Variants in GPM6A observed in about 807,000 individuals in gnomAD.
GPM6A encodes the protein glycoprotein M6A.
A neutral mutation model predicts 32.1 loss-of-function variants in GPM6A; 7 were observed. The ratio of observed to expected loss-of-function variants is 0.22; its 90% confidence interval spans 0.12 to 0.41. GPM6A has a LOEUF of 0.41. GPM6A is among the 10% of genes least tolerant of loss of function. GPM6A has a pLI of 1.00. For missense variants in GPM6A, 235 were observed against 347.2 expected, an observed-to-expected ratio of 0.68 and a Z score of 2.57; for synonymous variants, 130 against 123.4, an observed-to-expected ratio of 1.05 and a Z score of -0.35.
chr4:175,807,722 T>C (rs537799446), intron 1 of GPM6A: 1 of 152,276 alleles, frequency 6.6e-6, no homozygotes, highest in African/African-American at 2.4e-5. Flanking sequence ...AACACAACCA[T>C]AAATTGCAGA....
At chr4:175,938,408 G>A (rs539617191) in intron 1 of GPM6A, among the ~76,000 whole-genome samples, 4 of 152,264 alleles carry the variant, frequency 2.6e-5, no homozygotes, top group Admixed American at 6.5e-5. Context: ...AGCCGCGCCA[G>A]CATCTGTTGT....
chr4:175,791,960 T>C (rs944594025), intron 1 of GPM6A, among the ~76,000 whole-genome samples: 3 of 152,204 alleles, frequency 2.0e-5, no homozygotes, highest in Admixed American at 6.5e-5. Flanking sequence ...CCTGTGGTCA[T>C]ATTTAGTTAT....
intron 1 of GPM6A, among the ~76,000 whole-genome samples, chr4:175,796,101 G>C (rs1429661467): frequency 6.6e-6 from 1 of 152,138 alleles, no homozygotes; most frequent in South Asian, 2.1e-4. Context: ...TTTGGATGCT[G>C]TTTTAGTTGC....
chr4:175,694,897 C>T (rs1472927806), intron 2 of GPM6A, among the ~76,000 whole-genome samples: 1 of 152,164 alleles, frequency 6.6e-6, no homozygotes, highest in African/African-American at 2.4e-5. Flanking sequence ...AAGGGCCTGG[C>T]CTGAGGTCCA....
rs528217165 is a variant in GPM6A at position 175,914,613 on chromosome 4, G to A, written c.-23+87696C>T. ...GCTGGAATTACAGGCGTGAGCCACCGCGTCCGCCTGCAAATCTGCATTTTA... is the reference window on the plus strand; with the variant it reads ...GCTGGAATTACAGGCGTGAGCCACCACGTCCGCCTGCAAATCTGCATTTTA... On this transcript the variant is annotated intron_variant, in intron 1 of 7. Transcript: ENST00000280187. Among the ~76,000 whole-genome samples, 30 of 152,206 alleles carry A rather than the reference G, an allele frequency of 2.0e-4. No homozygotes were observed. In the South Asian group the frequency reaches 5.2e-3, roughly 26 times the overall value.
chr4:175,675,366 A>T (rs1484299048), intron 2 of GPM6A, among the ~76,000 whole-genome samples: 1 of 151,970 alleles, frequency 6.6e-6, no homozygotes, highest in Non-Finnish European at 1.5e-5. Flanking sequence ...ATGCTATGCA[A>T]TAGTTGCTTA....
chr4:175,866,129 A>G (rs1287272570), intron 1 of GPM6A, among the ~76,000 whole-genome samples: 3 of 152,174 alleles, frequency 2.0e-5, no homozygotes, highest in Non-Finnish European at 4.4e-5. Context: ...TTTAACAACT[A>G]TATTTTAGAG....
At chr4:175,905,546 A>G (rs1738103251) in intron 1 of GPM6A, among the ~76,000 whole-genome samples, 1 of 152,060 alleles carries the variant, frequency 6.6e-6, no homozygotes, top group African/African-American at 2.4e-5. Context: ...CTGGCACAAG[A>G]GAAGGGAGAA....
At chr4:175,895,136 A>C (rs1027123476) in intron 1 of GPM6A, among the ~76,000 whole-genome samples, 1 of 152,168 alleles carries the variant, frequency 6.6e-6, no homozygotes, top group Non-Finnish European at 1.5e-5. Context: ...ATCTTCTTTG[A>C]TCTTTAGAAT....
At chr4:175,742,028 C>A (rs1731907361) in intron 1 of GPM6A, among the ~76,000 whole-genome samples, 1 of 151,670 alleles carries the variant, frequency 6.6e-6, no homozygotes, top group African/African-American at 2.4e-5. Flanking sequence ...TTTATGGAAC[C>A]AACTGATAAA....
At chr4:175,996,952 G>A (rs1225630239) in intron 1 of GPM6A, among the ~76,000 whole-genome samples, 3 of 151,806 alleles carry the variant, frequency 2.0e-5, no homozygotes, top group Non-Finnish European at 2.9e-5. Flanking sequence ...CTTCTGCTTG[G>A]GTTTTTTGGA....
intron 1 of GPM6A, among the ~76,000 whole-genome samples, chr4:175,877,221 T>A (rs561927292): frequency 6.6e-6 from 1 of 152,212 alleles, no homozygotes; most frequent in South Asian, 2.1e-4. Context: ...AGGGATGAAG[T>A]TTTGTCCCTG....
In GPM6A at chr4:175,946,087, A is replaced by G. The variant is rs1038039192; in HGVS notation, c.-23+56222T>C. ...AGCCCAGACTTCACCACTATGCAGT[A>G]TATCCACGTAACAAAACAGTACTTG... On this transcript the variant is annotated intron_variant, in intron 1 of 7. Coordinates refer to the GPM6A transcript ENST00000280187. Among the ~76,000 whole-genome samples, 46 of 152,192 alleles carry G rather than the reference A, an allele frequency of 3.0e-4. 1 individual carries two copies. Among genetic ancestry groups the G allele is most frequent in the Admixed American group, 2.3e-3 (35 of 15,280 alleles).
At chr4:175,996,289 C>A (rs950119956) in intron 1 of GPM6A, among the ~76,000 whole-genome samples, 2 of 152,074 alleles carry the variant, frequency 1.3e-5, no homozygotes, top group Non-Finnish European at 2.9e-5. Flanking sequence ...TTAAGTGGAA[C>A]CTTAGTTAAA....
chr4:175,703,314 GGC>G (rs1744982068), intron 1 of GPM6A, among the ~76,000 whole-genome samples: 3 of 152,046 alleles, frequency 2.0e-5, no homozygotes, highest in Admixed American at 6.5e-5. Flanking sequence ...TGGGACTACT[GGC>G]GCACGTCACC....
chr4:175,833,051 C>A (rs555674936), intron 1 of GPM6A, among the ~76,000 whole-genome samples: 32 of 152,110 alleles, frequency 2.1e-4, no homozygotes, highest in Non-Finnish European at 3.5e-4. Context: ...GCATTTCCAT[C>A]GAGGGAAGGA....
intron 1 of GPM6A, among the ~76,000 whole-genome samples, chr4:175,732,693 G>A (rs1358349220): frequency 6.6e-6 from 1 of 152,038 alleles, no homozygotes; most frequent in Non-Finnish European, 1.5e-5. Flanking sequence ...ATAACTTAAG[G>A]CTACCTTGTA....
At chr4:175,883,201 G>T (rs1279267043) in intron 1 of GPM6A, among the ~76,000 whole-genome samples, 1 of 151,922 alleles carries the variant, frequency 6.6e-6, no homozygotes, top group Non-Finnish European at 1.5e-5. Flanking sequence ...AATTTGCTTT[G>T]TAACATACTG....
intron 3 of GPM6A, among the ~76,000 whole-genome samples, chr4:175,666,104 G>C (rs1417850567): frequency 2.0e-5 from 3 of 151,890 alleles, no homozygotes; most frequent in Admixed American, 6.6e-5. Context: ...TTTTTTAGTA[G>C]AGAAGGGGTT....
Sources: gnomAD v4.1 joint callset for allele counts (sites outside exome capture counted in the v4.1 genomes callset) on GRCh38, gnomAD v4.1.1 for gene constraint, MANE v1.5 for transcripts, NCBI Gene and HGNC (gene_info 2026-07-23, HGNC 2026-07-21) for gene names.